Variants in CDH13 observed in about 807,000 individuals in gnomAD.
The protein encoded by CDH13 is cadherin 13.
CDH13 carries 24 observed loss-of-function variants against 63.8 expected under a neutral mutation model. The observed-to-expected ratio is 0.38, with a 90% CI of 0.27 to 0.53. CDH13 has a LOEUF of 0.53. Among genes scored for constraint, CDH13 ranks in the 20% least tolerant of loss-of-function variants. The probability of loss-of-function intolerance (pLI) is 0.85; values close to 1 mark genes in which losing one functional copy is unlikely to be tolerated. For synonymous variants in CDH13, 503 were observed against 355.3 expected, an observed-to-expected ratio of 1.42 and a Z score of -4.67; for missense variants, 1,049 against 903.1, an observed-to-expected ratio of 1.16 and a Z score of -2.07.
At chr16:82,893,694 A>G (rs2041156939) in intron 2 of CDH13, among the ~76,000 whole-genome samples, 1 of 152,184 alleles carries the variant, frequency 6.6e-6, no homozygotes, top group African/African-American at 2.4e-5. Context: ...TCTTCGAGGA[A>G]GTTCTACAGC....
At chr16:83,326,706 A>T (rs1191183808) in intron 5 of CDH13, among the ~76,000 whole-genome samples, 1 of 152,176 alleles carries the variant, frequency 6.6e-6, no homozygotes. Flanking sequence ...AAGGGATGTT[A>T]TGAGCAAAGG....
intron 1 of CDH13, among the ~76,000 whole-genome samples, chr16:82,809,114 G>C (rs1250642835): frequency 6.6e-6 from 1 of 151,902 alleles, no homozygotes; most frequent in Non-Finnish European, 1.5e-5. Context: ...CTAAGATCCT[G>C]CCAAATTATC....
chr16:83,549,945 C>T (rs548136965), intron 7 of CDH13, among the ~76,000 whole-genome samples: 17 of 152,344 alleles, frequency 1.1e-4, no homozygotes, highest in African/African-American at 3.4e-4. Context: ...CTTTCCCACT[C>T]GTCTTGCTGG....
At chr16:82,669,232 T>A (rs1253250703) in intron 1 of CDH13, among the ~76,000 whole-genome samples, 1 of 152,214 alleles carries the variant, frequency 6.6e-6, no homozygotes, top group Non-Finnish European at 1.5e-5. Flanking sequence ...CATTGAACAT[T>A]GGGTCAGCAT....
chr16:83,620,344 T>A (rs909930666), intron 8 of CDH13, among the ~76,000 whole-genome samples: 2 of 135,800 alleles, frequency 1.5e-5, no homozygotes, highest in African/African-American at 2.8e-5. Flanking sequence ...TGAGCCGAGA[T>A]CGCACCACTG....
At position 82,627,013 on chromosome 16, in the gene CDH13, G is replaced by C. The variant is rs758645999; in HGVS notation, c.-80G>C. On this transcript the variant is annotated 5_prime_UTR_variant, in exon 1 of 14. Coordinates refer to ENST00000567109, the MANE Select transcript of CDH13 (RefSeq NM_001257.5). ...TGGCGAGGCAGAGCCTCTCCTCAAA[G>C]CCTGGCTCCCACGGAAAATATGCTC... 4.6e-6 allele frequency: 7 copies of C among 1,518,136 alleles called. No homozygotes were observed. The Admixed American group carries it at 7.8e-5, about 17-fold the overall frequency. The allele number at this position is 1,518,136 out of a possible 1,614,324, so 94.0% of individuals were successfully genotyped here. A position where few individuals can be genotyped will look rare whatever the true frequency, so the allele number is the denominator to read the frequency against.
intron 6 of CDH13, among the ~76,000 whole-genome samples, chr16:83,351,433 T>C (rs1456087254): frequency 2.0e-5 from 3 of 152,140 alleles, no homozygotes; most frequent in African/African-American, 7.2e-5. Context: ...GTTCTGGGGT[T>C]CTCTCCTGGC....
chr16:83,479,707 C>G (rs1482742879), intron 6 of CDH13, among the ~76,000 whole-genome samples: 3 of 152,032 alleles, frequency 2.0e-5, no homozygotes, highest in Non-Finnish European at 4.4e-5. Context: ...TGGCATTGGA[C>G]TTTATATAGA....
intron 8 of CDH13, among the ~76,000 whole-genome samples, chr16:83,627,962 A>T (rs1351754000): frequency 6.6e-6 from 1 of 152,232 alleles, no homozygotes; most frequent in Non-Finnish European, 1.5e-5. Context: ...TAGACCGTAT[A>T]GGGTAACTTC....
intron 7 of CDH13, among the ~76,000 whole-genome samples, chr16:83,500,742 T>A (rs182213451): frequency 1.3e-5 from 2 of 150,174 alleles, no homozygotes; most frequent in Non-Finnish European, 3.0e-5. Flanking sequence ...CTTGCCCGGC[T>A]AATTTTTGTT....
chr16:83,338,564 C>T (rs2090651545), intron 5 of CDH13, among the ~76,000 whole-genome samples: 1 of 152,194 alleles, frequency 6.6e-6, no homozygotes, highest in African/African-American at 2.4e-5. Flanking sequence ...GGTAATAACC[C>T]ATGGGAAGTG....
intron 5 of CDH13, among the ~76,000 whole-genome samples, chr16:83,272,086 G>C (rs191398942): frequency 1.8e-4 from 27 of 152,218 alleles, no homozygotes; most frequent in Non-Finnish European, 3.1e-4. Context: ...CAGTGTTTGG[G>C]TGCTTCTTGT....
intron 7 of CDH13, among the ~76,000 whole-genome samples, chr16:83,499,926 C>T (rs1306941995): frequency 6.6e-6 from 1 of 152,170 alleles, no homozygotes; most frequent in East Asian, 1.9e-4. Context: ...CTTCAGCCTC[C>T]CAAGTAGCTG....
intron 5 of CDH13, among the ~76,000 whole-genome samples, chr16:83,281,933 A>G (rs750884481): frequency 1.5e-4 from 23 of 152,066 alleles, no homozygotes; most frequent in Non-Finnish European, 2.9e-4. Context: ...AATAAATAAA[A>G]TTTTAGGGAA....
chr16:83,069,293 A>G (rs747273086), intron 3 of CDH13, among the ~76,000 whole-genome samples: 4 of 152,190 alleles, frequency 2.6e-5, no homozygotes, highest in Non-Finnish European at 4.4e-5. Context: ...CTTTAGTGGA[A>G]CTGTGGCACT....
intron 4 of CDH13, among the ~76,000 whole-genome samples, chr16:83,210,654 G>A (rs992482608): frequency 6.6e-6 from 1 of 151,930 alleles, no homozygotes; most frequent in African/African-American, 2.4e-5. Flanking sequence ...TGTGGGAGGA[G>A]GACAATGACT....
intron 9 of CDH13, among the ~76,000 whole-genome samples, chr16:83,676,253 C>T (rs901352448): frequency 4.6e-5 from 7 of 152,168 alleles, no homozygotes; most frequent in Admixed American, 2.6e-4. Flanking sequence ...CTTGTGCATA[C>T]GTCTCCGGCT....
At chr16:83,432,053 A>G (rs1169050366) in intron 6 of CDH13, among the ~76,000 whole-genome samples, 2 of 152,146 alleles carry the variant, frequency 1.3e-5, no homozygotes, top group Non-Finnish European at 2.9e-5. Flanking sequence ...AACCAGGTAG[A>G]AGGCTTCTGC....
chr16:83,147,089 A>C (rs2036783085), intron 4 of CDH13, among the ~76,000 whole-genome samples: 1 of 151,924 alleles, frequency 6.6e-6, no homozygotes, highest in Non-Finnish European at 1.5e-5. Flanking sequence ...CTCCATCTTA[A>C]AAAAAAAGCC....
Sources: gnomAD v4.1 joint callset for allele counts (sites outside exome capture counted in the v4.1 genomes callset) on GRCh38, gnomAD v4.1.1 for gene constraint, MANE v1.5 for transcripts, NCBI Gene and HGNC (gene_info 2026-07-23, HGNC 2026-07-21) for gene names.